NSMCE2: variants seen among roughly 807,000 people sequenced by gnomAD.
NSMCE2 encodes NSE2 SUMO ligase component of SMC5/6 complex.
A neutral mutation model predicts 23.8 loss-of-function variants in NSMCE2; 24 were observed. That is an observed-to-expected ratio of 1.01 (90% CI 0.73 to 1.42). NSMCE2 has a LOEUF of 1.42. NSMCE2 is among the 40% of genes most tolerant of loss of function. NSMCE2 has a pLI of 0.00. For missense variants in NSMCE2, 284 were observed against 296.5 expected (o/e 0.96, Z 0.31); for synonymous variants, 92 against 94.1 (o/e 0.98, Z 0.13).
chr8:125,137,598 T>C (rs573174321), intron 3 of NSMCE2, among the ~76,000 whole-genome samples: 50 of 152,326 alleles, frequency 3.3e-4, no homozygotes, highest in Non-Finnish European at 6.2e-4. Flanking sequence ...GTGTGGTTTC[T>C]CTGGCACAGT....
chr8:125,275,865 C>T (rs535177846), intron 5 of NSMCE2, among the ~76,000 whole-genome samples: 30 of 152,214 alleles, frequency 2.0e-4, no homozygotes, highest in South Asian at 1.2e-3. Context: ...CAGAACGCTC[C>T]GCCTGCAAAA....
intron 3 of NSMCE2, among the ~76,000 whole-genome samples, chr8:125,117,463 G>T (rs1200280522): frequency 6.6e-6 from 1 of 152,100 alleles, no homozygotes; most frequent in South Asian, 2.1e-4. Context: ...GCCATGTCTC[G>T]ATATCTCGAT....
chr8:125,255,332 A>G (rs921017636), intron 5 of NSMCE2, among the ~76,000 whole-genome samples: 3 of 152,190 alleles, frequency 2.0e-5, no homozygotes, highest in Non-Finnish European at 4.4e-5. Context: ...TGCTGGAACA[A>G]GGAGGTAGAC....
At chr8:125,354,172 TCTGC>T (rs1398553717) in intron 5 of NSMCE2, among the ~76,000 whole-genome samples, 1 of 152,064 alleles carries the variant, frequency 6.6e-6, no homozygotes, top group Non-Finnish European at 1.5e-5. Flanking sequence ...CCTCAGGTGA[TCTGC>T]CCACCTCAGC....
At chr8:125,333,517 T>C in intron 5 of NSMCE2, among the ~76,000 whole-genome samples, 1 of 105,216 alleles carries the variant, frequency 9.5e-6, no homozygotes, top group South Asian at 3.5e-4. Context: ...TTTTTTTTTT[T>C]TTTTTTTTTT....
At chr8:125,092,388 G>A (rs1817706200) in intron 1 of NSMCE2, among the ~76,000 whole-genome samples, 1 of 152,168 alleles carries the variant, frequency 6.6e-6, no homozygotes, top group Non-Finnish European at 1.5e-5. Flanking sequence ...TTTGTAACTG[G>A]CCAAATCTTT....
chr8:125,264,152 A>T (rs747763841), intron 5 of NSMCE2, among the ~76,000 whole-genome samples: 1 of 152,222 alleles, frequency 6.6e-6, no homozygotes, highest in African/African-American at 2.4e-5. Flanking sequence ...CCCTAAAAGC[A>T]GTAGATGTGC....
At chr8:125,247,194 G>A (rs1188734465) in intron 5 of NSMCE2, among the ~76,000 whole-genome samples, 1 of 151,374 alleles carries the variant, frequency 6.6e-6, no homozygotes, top group African/African-American at 2.4e-5. Context: ...TTAGCTGGGA[G>A]TAGTATCGTG....
At chr8:125,279,172 G>C (rs1193879691) in intron 5 of NSMCE2, among the ~76,000 whole-genome samples, 1 of 152,094 alleles carries the variant, frequency 6.6e-6, no homozygotes, top group African/African-American at 2.4e-5. Flanking sequence ...AAGCTATGTC[G>C]GATAAATATT....
Position 125,151,154 on chromosome 8 carries a change from A to ATTTT in NSMCE2, c.158-11_158-8dup. On this transcript the variant is annotated splice_polypyrimidine_tract_variant and intron_variant, in intron 3 of 7. Coordinates refer to ENST00000287437, the MANE Select transcript of NSMCE2 (RefSeq NM_173685.4). ...TTTTAAATGGAAAATAATAATTGCA[A>ATTTT]TTTTTTTTTCTTTCAGCTGAAGTGA... The ATTTT allele has an allele frequency of 7.2e-7, 1 of 1,387,678 alleles. No homozygotes were observed. Among genetic ancestry groups the ATTTT allele is most frequent in the Non-Finnish European group, 1.0e-6 (1 of 986,198 alleles). The allele number at this position is 1,387,678 out of a possible 1,614,324, so 86.0% of individuals were successfully genotyped here.
Position 125,127,813 on chromosome 8 carries a change from T to C in NSMCE2, c.158-23358T>C, listed in dbSNP as rs776534669. Among the ~76,000 whole-genome samples the C allele has an allele frequency of 3.3e-4, 50 of 152,216 alleles. 1 individual carries two copies. Among genetic ancestry groups the C allele is most frequent in the Admixed American group, 1.3e-3 (20 of 15,284 alleles). On this transcript the variant is annotated intron_variant, in intron 3 of 7. Coordinates refer to ENST00000287437, the MANE Select transcript of NSMCE2 (RefSeq NM_173685.4). ...GAATATTTACATATACATAATGAGA[T>C]ACCTTGGGGATGGGATCCAAGTCTA...
At chr8:125,335,263 A>G (rs1434037539) in intron 5 of NSMCE2, among the ~76,000 whole-genome samples, 2 of 152,124 alleles carry the variant, frequency 1.3e-5, no homozygotes, top group African/African-American at 4.8e-5. Context: ...CATTGCCACC[A>G]TTTTTAAACA....
chr8:125,187,232 G>C (rs1486917652), intron 5 of NSMCE2, among the ~76,000 whole-genome samples: 2 of 152,186 alleles, frequency 1.3e-5, no homozygotes, highest in Non-Finnish European at 2.9e-5. Context: ...AATTCTTGGA[G>C]TCATAGAATC....
At chr8:125,291,979 C>T (rs1294710158) in intron 5 of NSMCE2, among the ~76,000 whole-genome samples, 2 of 152,034 alleles carry the variant, frequency 1.3e-5, no homozygotes, top group African/African-American at 4.8e-5. Flanking sequence ...TCTGTCCTCC[C>T]GCACTCAATT....
chr8:125,168,922 T>G (rs1822033117), intron 4 of NSMCE2, among the ~76,000 whole-genome samples: 2 of 152,228 alleles, frequency 1.3e-5, no homozygotes. Flanking sequence ...CACATTACCA[T>G]GTATTCTCAA....
intron 3 of NSMCE2, among the ~76,000 whole-genome samples, chr8:125,128,824 A>G (rs1431599289): frequency 2.0e-5 from 3 of 152,188 alleles, no homozygotes; most frequent in African/African-American, 7.2e-5. Context: ...TCTTTCATTA[A>G]TAACGGGCCT....
intron 5 of NSMCE2, among the ~76,000 whole-genome samples, chr8:125,339,628 C>G (rs1049532219): frequency 6.6e-6 from 1 of 152,148 alleles, no homozygotes; most frequent in Non-Finnish European, 1.5e-5. Context: ...GCCTTCAAAT[C>G]CCTCCACTAA....
intron 5 of NSMCE2, among the ~76,000 whole-genome samples, chr8:125,351,739 G>T (rs1813043800): frequency 6.6e-6 from 1 of 152,102 alleles, no homozygotes; most frequent in East Asian, 1.9e-4. Context: ...GGCCGGGCAT[G>T]GTGGCTCACA....
chr8:125,268,807 A>G (rs1827052721), intron 5 of NSMCE2, among the ~76,000 whole-genome samples: 1 of 152,200 alleles, frequency 6.6e-6, no homozygotes, highest in African/African-American at 2.4e-5. Context: ...GAAGAGTGGT[A>G]TGGCCAGCAG....
Sources: allele counts gnomAD v4.1 joint callset (sites outside exome capture counted in the v4.1 genomes callset), GRCh38; gene constraint gnomAD v4.1.1; transcripts MANE v1.5; gene names NCBI Gene and HGNC (gene_info 2026-07-23, HGNC 2026-07-21).